The following PITPNA variants were observed in gnomAD, a reference collection of about 807,000 sequenced individuals.
PITPNA encodes phosphatidylinositol transfer protein alpha.
A neutral mutation model predicts 50.3 loss-of-function variants in PITPNA; 13 were observed. The observed-to-expected ratio is 0.26, with a 90% confidence interval of 0.17 to 0.41. The LOEUF (loss-of-function observed/expected upper bound fraction) is 0.41. Ranked by LOEUF, PITPNA falls within the 10% of genes least tolerant of loss-of-function variation. The pLI is 1.00. For missense variants in PITPNA, 207 were observed against 333.4 expected (o/e 0.62, Z 2.95); for synonymous variants, 120 against 119.6 (o/e 1.00, Z -0.02).
intron 7 of PITPNA, among the ~76,000 whole-genome samples, chr17:1,537,451 G>A (rs1450463158): frequency 6.6e-6 from 1 of 151,764 alleles, no homozygotes; most frequent in African/African-American, 2.4e-5. Flanking sequence ...TGCCTGCCTC[G>A]GTCTCCCAAA....
In PITPNA at chr17:1,521,621, C is replaced by T; in HGVS notation, c.793G>A (p.Gly265Arg). 1 of 1,613,688 alleles carries T rather than the reference C, an allele frequency of 6.2e-7. No homozygotes were observed. The highest frequency in any genetic ancestry group is 8.5e-7 in the Non-Finnish European group (1 of 1,179,626). The part of the protein sequence containing the change: ...DEMRQKDPVK[G>R]MTADD ...CGGCTTTAGTCATCTGCTGTCATTC[C>T]TTTCACTGGGTCCTTTTGTCTCATC... is the stretch of plus-strand genomic sequence containing the variant. The change falls in exon 11 of 12, where the codon GGA (glycine) becomes AGA (arginine). Residue 265 changes from glycine to arginine, a missense_variant. Gly to Arg is a moderately radical substitution (Grantham distance 125). Coordinates refer to ENST00000313486, the MANE Select transcript of PITPNA (RefSeq NM_006224.4).
chr17:1,554,536 G>A (rs982547239), intron 2 of PITPNA, among the ~76,000 whole-genome samples: 2 of 151,658 alleles, frequency 1.3e-5, no homozygotes, highest in East Asian at 1.9e-4. Context: ...GGATTACAGG[G>A]ACTGGGTTTT....
chr17:1,554,390 A>ATT lies in PITPNA; in HGVS notation c.52-1243_52-1242dup, dbSNP rs61238602. Among the ~76,000 whole-genome samples the ATT allele has an allele frequency of 3.3e-3, 216 of 66,094 alleles. 7 individuals are homozygous for ATT. The highest frequency in any genetic ancestry group is 4.1e-3 in the African/African-American group (72 of 17,656). The allele number at this position is 66,094 out of a possible 152,430, so 43.4% of individuals were successfully genotyped here. ...GGGGGGAAGACAAGGGTGTTTCTCT[A>ATT]TTTTTTTTTTTTTTTTTTTTTTTTT... On this transcript the variant is annotated intron_variant, in intron 2 of 11. Coordinates refer to ENST00000313486, the MANE Select transcript of PITPNA (RefSeq NM_006224.4).
chr17:1,526,037 C>T (rs931967385), intron 10 of PITPNA, among the ~76,000 whole-genome samples: 1 of 152,222 alleles, frequency 6.6e-6, no homozygotes, highest in African/African-American at 2.4e-5. Flanking sequence ...TATATGGAAG[C>T]AGCGCTCCTT....
At chr17:1,543,060 G>A in intron 4 of PITPNA, 33 bp from the exon 5 acceptor site, 2 of 1,551,260 alleles carry the variant, frequency 1.3e-6, no homozygotes, top group Non-Finnish European at 1.7e-6. Context: ...AAAGAAGAGA[G>A]AAAAAGATTA....
intron 3 of PITPNA, among the ~76,000 whole-genome samples, chr17:1,552,525 A>T (rs1333052814): frequency 1.3e-5 from 2 of 152,212 alleles, no homozygotes; most frequent in Non-Finnish European, 2.9e-5. Flanking sequence ...TTCTCTAGCG[A>T]TCGATTTCAC....
chr17:1,562,430 C>T lies in PITPNA; in HGVS notation c.20+111G>A, dbSNP rs2075773312. On this transcript the variant is annotated intron_variant, in intron 1 of 11. Transcript: ENST00000313486. This position sits in a 1 kb window ranked among gnomAD's most constrained non-coding sequence, Gnocchi z 6.4. ...TGGGCCCGCCTCAGGCACCCTCCGT[C>T]CCTGCTGCCCCTCCGTCCATCCGGG... 1 of 882,062 alleles carries T rather than the reference C, an allele frequency of 1.1e-6. No individual in the cohort carries two copies. Among genetic ancestry groups the T allele is most frequent in the African/African-American group, 1.8e-5 (1 of 56,958 alleles). 54.6% of individuals were successfully genotyped at this position (882,062 alleles called of 1,614,324 possible).
At chr17:1,521,310 G>C (rs77941836) in intron 11 of PITPNA, among the ~76,000 whole-genome samples, 3,420 of 152,110 alleles carry the variant, frequency 0.022, 154 homozygotes, top group African/African-American at 0.078. Flanking sequence ...GACAGGAGGA[G>C]TGATTCGCAG....
Position 1,548,310 on chromosome 17 carries a change from G to A in PITPNA, c.275C>T (p.Pro92Leu). 1 of 1,607,920 alleles carries A rather than the reference G, an allele frequency of 6.2e-7. No individual in the cohort carries two copies. Among genetic ancestry groups the A allele is most frequent in the Non-Finnish European group, 8.5e-7 (1 of 1,177,212 alleles). Residue 92 changes from proline (P) to leucine (L), a missense_variant, in exon 4 of 12, where the codon CCC becomes CTC. Physicochemically the swap from Pro to Leu is moderately conservative, Grantham distance 98 (BLOSUM62 -3). Coordinates refer to ENST00000313486, the MANE Select transcript of PITPNA (RefSeq NM_006224.4). ...NIHEKAWNAY[P>L]YCRTVITNEY... ...GCTGCACTCACCGGTTCTGCAGTAG[G>A]GGTAAGCATTCCAGGCTTTCTCGTG... is the stretch of plus-strand genomic sequence containing the variant.
At chr17:1,556,749 C>T (rs144743033) in intron 2 of PITPNA, among the ~76,000 whole-genome samples, 20 of 152,216 alleles carry the variant, frequency 1.3e-4, no homozygotes, top group African/African-American at 4.3e-4. Context: ...GGGCAAGGGA[C>T]GCGCTGGGCT....
intron 1 of PITPNA, among the ~76,000 whole-genome samples, chr17:1,560,941 T>C (rs1488788990): frequency 6.6e-6 from 1 of 152,182 alleles, no homozygotes; most frequent in Non-Finnish European, 1.5e-5. Context: ...CTAAATGTCC[T>C]AAGCACCTCC....
At chr17:1,529,155 A>AGAGAGAGAG (rs56004131) in intron 10 of PITPNA, among the ~76,000 whole-genome samples, 35 of 106,640 alleles carry the variant, frequency 3.3e-4, no homozygotes, top group East Asian at 1.2e-3. Flanking sequence ...AAAAAAAAAA[A>AGAGAGAGAG]AGAGAGAGAG....
chr17:1,553,617 A>G (rs1328609727), intron 2 of PITPNA, among the ~76,000 whole-genome samples: 1 of 152,128 alleles, frequency 6.6e-6, no homozygotes, highest in Non-Finnish European at 1.5e-5. Context: ...TTAGAGTCCA[A>G]AGGAGCTTTT....
intron 5 of PITPNA, 102 bp downstream of exon 5, chr17:1,542,918 C>T (rs2075654900): frequency 1.1e-6 from 1 of 872,968 alleles, no homozygotes; most frequent in Non-Finnish European, 1.8e-6. Flanking sequence ...CTCCAAACAT[C>T]AGCCAAGGGA....
At chr17:1,541,798 C>T (rs144508873) in intron 5 of PITPNA, 158 bp from the exon 6 acceptor site, 427 of 708,000 alleles carry the variant, frequency 6.0e-4, no homozygotes, top group Middle Eastern at 2.6e-3. Flanking sequence ...GCCCACGACA[C>T]ACTAGGCATG....
chr17:1,560,480 G>T (rs2075762840), intron 1 of PITPNA, among the ~76,000 whole-genome samples: 1 of 152,202 alleles, frequency 6.6e-6, no homozygotes, highest in African/African-American at 2.4e-5. Flanking sequence ...ATACCAGGCA[G>T]GCCCTGCATC....
At chr17:1,552,500 G>A (rs960683763) in intron 3 of PITPNA, among the ~76,000 whole-genome samples, 2 of 152,196 alleles carry the variant, frequency 1.3e-5, no homozygotes, top group Non-Finnish European at 2.9e-5. Flanking sequence ...TTGATCCAAA[G>A]AGAGGTACCA....
chr17:1,528,744 A>AG (rs2075562326), intron 10 of PITPNA, among the ~76,000 whole-genome samples: 1 of 151,938 alleles, frequency 6.6e-6, no homozygotes, highest in African/African-American at 2.4e-5. Context: ...CTCTTAAAAA[A>AG]AAAAAAAAGA....
At chr17:1,524,016 C>T (rs1206119951) in intron 10 of PITPNA, among the ~76,000 whole-genome samples, 4 of 150,780 alleles carry the variant, frequency 2.7e-5, no homozygotes, top group Non-Finnish European at 5.9e-5. Flanking sequence ...TACTGCAATG[C>T]TCTCTAAGCC....
Sources: gnomAD v4.1 joint callset for allele counts (sites outside exome capture counted in the v4.1 genomes callset) on GRCh38, gnomAD v4.1.1 for gene constraint, Gnocchi (gnomAD v3.1) non-coding constraint, MANE v1.5 for transcripts, NCBI Gene and HGNC (gene_info 2026-07-23, HGNC 2026-07-21) for gene names.